The following CDC73 variants were observed in gnomAD, a reference collection of about 807,000 sequenced individuals.
The protein encoded by CDC73 is cell division cycle 73, also known as parafibromin.
Under a neutral mutation model 83.7 loss-of-function variants are expected in CDC73, and 21 were observed. That is an observed-to-expected ratio of 0.25 (90% CI 0.18 to 0.36). CDC73 has a LOEUF of 0.36. Among genes scored for constraint, CDC73 ranks in the 10% least tolerant of loss-of-function variants. The pLI is 1.00. For synonymous variants in CDC73, 224 were observed against 212.9 expected (o/e 1.05, Z -0.45); for missense variants, 342 against 653.3 (o/e 0.52, Z 5.19).
Position 193,236,142 on chromosome 1 carries a change from T to A in CDC73, c.1317-114T>A, listed in dbSNP as rs3738244. ...TTCATGGAAGGATTGATAAGACTCTTTCACATGAATGTTTATGGGACTGTT... is the reference window on the plus strand; with the variant it reads ...TTCATGGAAGGATTGATAAGACTCTATCACATGAATGTTTATGGGACTGTT... On this transcript the variant is annotated intron_variant, in intron 14 of 16. Transcript: ENST00000367435. The A allele has an allele frequency of 0.68, 533,344 of 781,490 alleles. 183,912 individuals are homozygous for A. The highest frequency in any genetic ancestry group is 0.8 in the South Asian group (59,209 of 73,822). 48.4% of individuals were successfully genotyped at this position (781,490 alleles called of 1,614,324 possible). A position where few individuals can be genotyped will look rare whatever the true frequency, so the allele number is the denominator to read the frequency against.
At chr1:193,181,585 A>G (rs942697963) in intron 10 of CDC73, 1 of 1,535,490 alleles carries the variant, frequency 6.5e-7, no homozygotes, top group East Asian at 2.3e-5. Context: ...CAGTAGTGGT[A>G]TATGAGAGAT....
rs1678037144 is a variant in CDC73 at position 193,251,136 on chromosome 1, A to G, written c.*424A>G. On this transcript the variant is annotated 3_prime_UTR_variant, in exon 17 of 17. Coordinates refer to ENST00000367435, the MANE Select transcript of CDC73 (RefSeq NM_024529.5). ...TAAATTTTAGTCTCTGGAACATCCA[A>G]AACCAAGCAAAGGGATGTGACTATT... The G allele has an allele frequency of 4.0e-6, 1 of 252,514 alleles. No individual in the cohort carries two copies. Among genetic ancestry groups the G allele is most frequent in the South Asian group, 1.3e-4 (1 of 7,948 alleles). The allele number at this position is 252,514 out of a possible 1,614,324, so 15.6% of individuals were successfully genotyped here.
chr1:193,238,830 G>A (rs1203528272), intron 15 of CDC73, among the ~76,000 whole-genome samples: 1 of 152,174 alleles, frequency 6.6e-6, no homozygotes, highest in Non-Finnish European at 1.5e-5. Flanking sequence ...TTATCATAAA[G>A]GTCTTCATCT....
At chr1:193,199,600 C>T (rs1677056151) in intron 10 of CDC73, among the ~76,000 whole-genome samples, 1 of 150,874 alleles carries the variant, frequency 6.6e-6, no homozygotes, top group Non-Finnish European at 1.5e-5. Flanking sequence ...GTAGCCCCAG[C>T]TACTTGAGTG....
chr1:193,189,234 G>A (rs890091143), intron 10 of CDC73, among the ~76,000 whole-genome samples: 6 of 152,144 alleles, frequency 3.9e-5, no homozygotes, highest in Non-Finnish European at 4.4e-5. Flanking sequence ...GATTACAGAC[G>A]TGAGCCACAG....
At chr1:193,249,966 C>G in intron 16 of CDC73, 95 bp downstream of exon 16, 2 of 1,121,864 alleles carry the variant, frequency 1.8e-6, no homozygotes, top group Non-Finnish European at 2.7e-6. Flanking sequence ...AGTCTTATTC[C>G]CTAATTCCCT....
intron 13 of CDC73, among the ~76,000 whole-genome samples, chr1:193,220,724 G>T (rs972732690): frequency 2.6e-5 from 4 of 152,100 alleles, no homozygotes; most frequent in African/African-American, 9.7e-5. Context: ...CATTAATAGT[G>T]TGGCTTTTAT....
chr1:193,186,942 C>G (rs1023155532), intron 10 of CDC73, among the ~76,000 whole-genome samples: 1 of 151,988 alleles, frequency 6.6e-6, no homozygotes, highest in Non-Finnish European at 1.5e-5. Flanking sequence ...AGGGTGTAAG[C>G]AGTATAAGCT....
intron 14 of CDC73, 34 bp from the exon 15 acceptor site, chr1:193,236,222 C>G: frequency 7.7e-7 from 1 of 1,292,024 alleles, no homozygotes. Flanking sequence ...TCCGTCTGTC[C>G]CCTACCTCCC....
At position 193,147,404 on chromosome 1, in the gene CDC73, A is replaced by G. The variant is rs377261091; in HGVS notation, c.730-463A>G. On this transcript the variant is annotated intron_variant, in intron 7 of 16. Transcript: ENST00000367435. ...TTTTTTTGAGATGGAGTCTCGTTCT[A>G]TTGCCCAGGCTGGAGTGCAGTGGCA... 1.4e-4 allele frequency among the ~76,000 whole-genome samples: 17 copies of G among 123,444 alleles called. No homozygotes were observed. In the East Asian group the frequency reaches 1.7e-3, roughly 12 times the overall value. The allele number at this position is 123,444 out of a possible 152,430, so 81.0% of individuals were successfully genotyped here. A position where few individuals can be genotyped will look rare whatever the true frequency, so the allele number is the denominator to read the frequency against.
chr1:193,230,337 C>T (rs200906046), intron 13 of CDC73, among the ~76,000 whole-genome samples: 1 of 151,438 alleles, frequency 6.6e-6, no homozygotes, highest in Admixed American at 6.6e-5. Flanking sequence ...TTAGTAGAGA[C>T]GGGATTTCAC....
chr1:193,241,694 G>A (rs1677864562), intron 15 of CDC73, among the ~76,000 whole-genome samples: 2 of 152,174 alleles, frequency 1.3e-5, no homozygotes, highest in South Asian at 4.1e-4. Context: ...GGTTGGGCGT[G>A]TCTTCTGCCC....
intron 2 of CDC73, among the ~76,000 whole-genome samples, chr1:193,125,841 A>C (rs371584196): frequency 3.3e-5 from 5 of 152,000 alleles, no homozygotes; most frequent in African/African-American, 1.2e-4. Context: ...CAAAAGAATG[A>C]AAGGTTTGTA....
At chr1:193,232,168 T>C (rs187300993) in intron 13 of CDC73, among the ~76,000 whole-genome samples, 24 of 152,216 alleles carry the variant, frequency 1.6e-4, no homozygotes, top group Admixed American at 1.5e-3. Context: ...TTAATTTTCA[T>C]ACTTTAAAAT....
chr1:193,195,535 C>T (rs986775393), intron 10 of CDC73, among the ~76,000 whole-genome samples: 1 of 152,110 alleles, frequency 6.6e-6, no homozygotes, highest in Non-Finnish European at 1.5e-5. Flanking sequence ...ATTGTTGGAT[C>T]ATATGTTAAT....
chr1:193,193,979 C>G (rs1676961404), intron 10 of CDC73, among the ~76,000 whole-genome samples: 1 of 152,088 alleles, frequency 6.6e-6, no homozygotes, highest in Non-Finnish European at 1.5e-5. Context: ...ATGCCAGTAA[C>G]TATAATTCTG....
intron 10 of CDC73, among the ~76,000 whole-genome samples, chr1:193,195,912 A>G (rs900347376): frequency 1.3e-5 from 2 of 152,076 alleles, no homozygotes; most frequent in African/African-American, 2.4e-5. Context: ...TTAATTTCTT[A>G]TATGTGTGAC....
intron 10 of CDC73, among the ~76,000 whole-genome samples, chr1:193,185,516 G>C (rs958500099): frequency 2.6e-5 from 4 of 151,748 alleles, no homozygotes; most frequent in African/African-American, 7.3e-5. Flanking sequence ...GGAAGATTTT[G>C]TTACTAAAAG....
At chr1:193,178,131 GTATTGT>G (rs1216440772) in intron 10 of CDC73, among the ~76,000 whole-genome samples, 2 of 152,064 alleles carry the variant, frequency 1.3e-5, no homozygotes. Flanking sequence ...AACGACTTGA[GTATTGT>G]TGCGGAAAAG....
Sources: allele counts gnomAD v4.1 joint callset (sites outside exome capture counted in the v4.1 genomes callset), GRCh38; gene constraint gnomAD v4.1.1; transcripts MANE v1.5; gene names NCBI Gene and HGNC (gene_info 2026-07-23, HGNC 2026-07-21).